The following TENM2 variants were observed in gnomAD, a reference collection of about 807,000 sequenced individuals.
The protein encoded by TENM2 is teneurin transmembrane protein 2, also known as teneurin-2.
Under a neutral mutation model 245.2 loss-of-function variants are expected in TENM2, and 52 were observed. The ratio of observed to expected loss-of-function variants is 0.21; its 90% confidence interval spans 0.17 to 0.27. The LOEUF is 0.27. TENM2 is among the 10% of genes least tolerant of loss of function. The probability of loss-of-function intolerance (pLI) is 1.00; values close to 1 mark genes in which losing one functional copy is unlikely to be tolerated. For missense variants in TENM2, 3,046 were observed against 3,666.8 expected, an observed-to-expected ratio of 0.83 and a Z score of 4.37; for synonymous variants, 1,363 against 1,438.9, an observed-to-expected ratio of 0.95 and a Z score of 1.19.
rs540993789 is a variant in TENM2, at chr5:167,535,013, G to C, written c.502+159540G>C. Among the ~76,000 whole-genome samples, 171 of 152,180 alleles carry C rather than the reference G, an allele frequency of 1.1e-3. 1 individual carries two copies. The highest frequency in any genetic ancestry group is 9.1e-3 in the South Asian group (44 of 4,826). ...GGTTAAGTAAAATCATCATTTCTCA[G>C]AGATAAAAATAGTTGTCTATTTTCT... is the stretch of plus-strand genomic sequence containing the variant. On this transcript the variant is annotated intron_variant, in intron 2 of 28. Coordinates refer to ENST00000518659, the Ensembl canonical transcript of TENM2.
intron 2 of TENM2, among the ~76,000 whole-genome samples, chr5:167,604,630 T>C (rs1048788104): frequency 3.9e-5 from 6 of 152,130 alleles, no homozygotes; most frequent in Non-Finnish European, 8.8e-5. Context: ...TGAGAAAGAG[T>C]ATGTTTCTGA....
At chr5:167,014,276 T>C in the TENM2 span, among the ~76,000 whole-genome samples, 4 of 151,824 alleles carry the variant, frequency 2.6e-5, no homozygotes, top group African/African-American at 9.7e-5. Context: ...CGACATAAGA[T>C]ATTTTAGACC....
chr5:167,627,872 T>A (rs1186938651), intron 2 of TENM2, among the ~76,000 whole-genome samples: 2 of 152,186 alleles, frequency 1.3e-5, no homozygotes, highest in Non-Finnish European at 2.9e-5. Context: ...CTACTTCTTA[T>A]GAATTTAAAT....
chr5:167,110,443 C>G, the TENM2 span, among the ~76,000 whole-genome samples: 1 of 152,072 alleles, frequency 6.6e-6, no homozygotes, highest in African/African-American at 2.4e-5. Flanking sequence ...TCATAGCAGT[C>G]AATGAAGAAC....
chr5:167,382,977 T>C (rs1761181147), intron 2 of TENM2, among the ~76,000 whole-genome samples: 1 of 151,976 alleles, frequency 6.6e-6, no homozygotes, highest in Admixed American at 6.6e-5. Context: ...TGGTGAAAAA[T>C]AGAAAAGTAC....
intron 27 of TENM2, among the ~76,000 whole-genome samples, chr5:168,253,660 T>A (rs868577199): frequency 6.6e-6 from 1 of 151,860 alleles, no homozygotes; most frequent in African/African-American, 2.4e-5. Flanking sequence ...CTCCTGACCT[T>A]GTGATTCGCC....
chr5:167,451,050 A>G (rs1194789594), intron 2 of TENM2, among the ~76,000 whole-genome samples: 3 of 152,196 alleles, frequency 2.0e-5, no homozygotes, highest in Non-Finnish European at 4.4e-5. Flanking sequence ...GAATCACTAA[A>G]CTGTTTCGTA....
chr5:167,906,073 C>T (rs1226252376), intron 3 of TENM2, among the ~76,000 whole-genome samples: 3 of 152,132 alleles, frequency 2.0e-5, no homozygotes. Context: ...TTTGACATAG[C>T]TCACACCTGC....
intron 2 of TENM2, among the ~76,000 whole-genome samples, chr5:167,501,580 T>G (rs1769217745): frequency 6.6e-6 from 1 of 152,148 alleles, no homozygotes; most frequent in African/African-American, 2.4e-5. Context: ...ATTCCCCAAA[T>G]CCTTCTTTTA....
chr5:167,324,972 T>C (rs1756997770), intron 1 of TENM2, among the ~76,000 whole-genome samples: 1 of 152,170 alleles, frequency 6.6e-6, no homozygotes, highest in Admixed American at 6.5e-5. Context: ...TACTCAAGTG[T>C]GAACGTGGCT....
the TENM2 span, among the ~76,000 whole-genome samples, chr5:167,055,882 A>T: frequency 6.6e-6 from 1 of 152,032 alleles, no homozygotes; most frequent in African/African-American, 2.4e-5. Context: ...TTTTTTTCAC[A>T]ATCTGTATAC....
chr5:167,839,092 T>C (rs1290276719), intron 2 of TENM2, among the ~76,000 whole-genome samples: 1 of 152,228 alleles, frequency 6.6e-6, no homozygotes, highest in Non-Finnish European at 1.5e-5. Flanking sequence ...TTGTCATTGT[T>C]ATGATTAAAA....
exon 11 of TENM2, chr5:168,124,890 T>G (rs372312665): frequency 1.9e-6 from 3 of 1,613,050 alleles, no homozygotes; most frequent in Non-Finnish European, 2.5e-6. Context: ...ACGGAGTCTG[T>G]GTGAATGGAG....
intron 16 of TENM2, among the ~76,000 whole-genome samples, chr5:168,199,521 G>A (rs934678327): frequency 2.0e-5 from 3 of 152,180 alleles, no homozygotes; most frequent in East Asian, 1.9e-4. Context: ...TTGTAGGTTC[G>A]TATAATTACA....
the TENM2 span, among the ~76,000 whole-genome samples, chr5:167,043,027 C>T: frequency 6.6e-6 from 1 of 152,196 alleles, no homozygotes; most frequent in Non-Finnish European, 1.5e-5. Context: ...CGATACATTC[C>T]TGACTTCTAA....
chr5:168,212,635 T>C (rs914262708), intron 20 of TENM2, among the ~76,000 whole-genome samples: 19 of 152,174 alleles, frequency 1.2e-4, no homozygotes, highest in African/African-American at 4.3e-4. Flanking sequence ...TAACAGTCAG[T>C]GGAAAGGCCA....
intron 1 of TENM2, among the ~76,000 whole-genome samples, chr5:167,321,085 C>T (rs933985430): frequency 2.0e-5 from 3 of 152,100 alleles, no homozygotes; most frequent in Admixed American, 6.5e-5. Flanking sequence ...TTCAAATGAC[C>T]TTACAAGAAG....
chr5:167,945,564 T>C (rs1388103454), intron 3 of TENM2, among the ~76,000 whole-genome samples: 2 of 152,218 alleles, frequency 1.3e-5, no homozygotes, highest in African/African-American at 4.8e-5. Flanking sequence ...CTGCCGACCC[T>C]AGTCCTTTAC....
chr5:167,656,560 T>C (rs1754854753), intron 2 of TENM2, among the ~76,000 whole-genome samples: 1 of 152,140 alleles, frequency 6.6e-6, no homozygotes, highest in Admixed American at 6.5e-5. Context: ...CATGGGAAGA[T>C]GACTTACTTA....
Sources: gnomAD v4.1 joint callset for allele counts (sites outside exome capture counted in the v4.1 genomes callset) on GRCh38, gnomAD v4.1.1 for gene constraint, MANE v1.5 for transcripts, NCBI Gene and HGNC (gene_info 2026-07-23, HGNC 2026-07-21) for gene names.